RIMOC1: variants seen among roughly 807,000 people sequenced by gnomAD.
RIMOC1 encodes the protein RAB7A interacting MON1-CCZ1 complex subunit 1, also known as RAB7A-interacting MON1-CCZ1 complex subunit 1.
At chr5:41,913,965 T>A in the RIMOC1 span, among the ~76,000 whole-genome samples, 4 of 152,184 alleles carry the variant, frequency 2.6e-5, no homozygotes, top group Non-Finnish European at 5.9e-5. Flanking sequence ...AAATGGCTTT[T>A]AAAAAATTTC....
At chr5:41,906,151 C>T in the RIMOC1 span, among the ~76,000 whole-genome samples, 7 of 152,100 alleles carry the variant, frequency 4.6e-5, no homozygotes, top group African/African-American at 1.7e-4. Flanking sequence ...TGAGATACAG[C>T]CAGACATTAT....
At chr5:41,916,167 T>A in the RIMOC1 span, 2 of 152,874 alleles carry the variant, frequency 1.3e-5, no homozygotes, top group Non-Finnish European at 2.9e-5. Context: ...TCTTTTATGT[T>A]CTTTAGGAAA....
chr5:41,909,724 CTTTCT>C, the RIMOC1 span: 8 of 1,376,516 alleles, frequency 5.8e-6, no homozygotes, highest in African/African-American at 3.2e-5. Flanking sequence ...TGATAGATAT[CTTTCT>C]TTTTTTTTTT....
the RIMOC1 span, chr5:41,916,175 A>G: frequency 2.6e-5 from 4 of 153,424 alleles, no homozygotes; most frequent in East Asian, 1.9e-4. Context: ...GTTCTTTAGG[A>G]AAATTCAGGA....
At chr5:41,916,528 T>C in the RIMOC1 span, 2 of 890,286 alleles carry the variant, frequency 2.2e-6, no homozygotes, top group Non-Finnish European at 2.7e-6. Flanking sequence ...GCATGATAAT[T>C]TCTTAGACTT....
At chr5:41,906,838 T>C in the RIMOC1 span, among the ~76,000 whole-genome samples, 1 of 152,186 alleles carries the variant, frequency 6.6e-6, no homozygotes, top group African/African-American at 2.4e-5. Context: ...TGCTACACTA[T>C]CTGTTCATTG....
chr5:41,910,403 C>A, the RIMOC1 span, among the ~76,000 whole-genome samples: 2 of 151,610 alleles, frequency 1.3e-5, no homozygotes, highest in African/African-American at 4.8e-5. Flanking sequence ...CTTTCATCAC[C>A]GATAGTCTCT....
the RIMOC1 span, among the ~76,000 whole-genome samples, chr5:41,915,323 C>T: frequency 6.6e-6 from 1 of 152,076 alleles, no homozygotes; most frequent in African/African-American, 2.4e-5. Context: ...AGCCTCCCAC[C>T]CCTACAAATC....
the RIMOC1 span, chr5:41,912,322 T>C: frequency 1.7e-6 from 1 of 580,210 alleles, no homozygotes; most frequent in Admixed American, 3.3e-5. Flanking sequence ...AAAGGGTTTA[T>C]ATAAAATTCA....
chr5:41,920,714 A>G, the RIMOC1 span: 1 of 152,120 alleles, frequency 6.6e-6, no homozygotes, highest in Non-Finnish European at 1.5e-5. Context: ...TTGGTTATAT[A>G]CCTTGCGTAT....
At chr5:41,920,394 A>G in the RIMOC1 span, 4 of 152,202 alleles carry the variant, frequency 2.6e-5, no homozygotes, top group Non-Finnish European at 5.9e-5. Flanking sequence ...AATACCCCAC[A>G]TAAGGAAAGT....
At chr5:41,911,747 T>C in the RIMOC1 span, among the ~76,000 whole-genome samples, 1 of 152,202 alleles carries the variant, frequency 6.6e-6, no homozygotes, top group Non-Finnish European at 1.5e-5. Context: ...TAATACATTG[T>C]TGTTGAGCAC....
At chr5:41,915,602 ACTT>A in the RIMOC1 span, among the ~76,000 whole-genome samples, 5 of 152,150 alleles carry the variant, frequency 3.3e-5, no homozygotes, top group Admixed American at 2.0e-4. Context: ...GGCAGAAGGC[ACTT>A]CTTACATGGC....
chr5:41,914,456 C>CA, the RIMOC1 span, among the ~76,000 whole-genome samples: 1 of 146,488 alleles, frequency 6.8e-6, no homozygotes, highest in Non-Finnish European at 1.5e-5. Flanking sequence ...GACTCTGTCT[C>CA]AAACAAAACA....
chr5:41,909,587 T>C, the RIMOC1 span, among the ~76,000 whole-genome samples: 47 of 152,258 alleles, frequency 3.1e-4, 1 homozygote, highest in African/African-American at 1.1e-3. Flanking sequence ...TCAAATTATA[T>C]TTACATCTAG....
At chr5:41,907,038 A>G in the RIMOC1 span, among the ~76,000 whole-genome samples, 1 of 152,178 alleles carries the variant, frequency 6.6e-6, no homozygotes, top group African/African-American at 2.4e-5. Flanking sequence ...TCACAGAAGC[A>G]ACAAAGGGAT....
chr5:41,917,379 G>A, the RIMOC1 span: 6 of 1,471,548 alleles, frequency 4.1e-6, no homozygotes, highest in Non-Finnish European at 5.4e-6. Flanking sequence ...AAGAAGACCT[G>A]TTGATACTGA....
At chr5:41,918,885 G>A in the RIMOC1 span, 4 of 373,118 alleles carry the variant, frequency 1.1e-5, no homozygotes, top group Admixed American at 6.4e-5. Context: ...TATCAAAGGC[G>A]ACTCTGTGCT....
chr5:41,916,055 G>GT, the RIMOC1 span, among the ~76,000 whole-genome samples: 1 of 152,336 alleles, frequency 6.6e-6, no homozygotes, highest in South Asian at 2.1e-4. Flanking sequence ...AACAGACATT[G>GT]TGATGCTCAT....
Sources: gnomAD v4.1 joint callset for allele counts (sites outside exome capture counted in the v4.1 genomes callset) on GRCh38, gnomAD v4.1.1 for gene constraint, MANE v1.5 for transcripts, NCBI Gene and HGNC (gene_info 2026-07-23, HGNC 2026-07-21) for gene names.